Variants in TSPEAR observed in about 807,000 individuals in gnomAD.
The protein encoded by TSPEAR is thrombospondin-type laminin G domain and EAR repeat-containing protein.
Under a neutral mutation model 71.6 loss-of-function variants are expected in TSPEAR, and 69 were observed. That is an observed-to-expected ratio of 0.96 (90% CI 0.79 to 1.18). The LOEUF (loss-of-function observed/expected upper bound fraction) is 1.18. Ranked by LOEUF, TSPEAR falls within the 50% of genes most tolerant of loss-of-function variation. The probability of loss-of-function intolerance (pLI) is 0.00; values close to 1 mark genes in which losing one functional copy is unlikely to be tolerated. For synonymous variants in TSPEAR, 402 were observed against 387.2 expected (o/e 1.04, Z -0.45); for missense variants, 971 against 894.9 (o/e 1.09, Z -1.09).
intron 11 of TSPEAR, among the ~76,000 whole-genome samples, chr21:44,503,126 G>GT (rs1358357236): frequency 1.4e-5 from 2 of 146,456 alleles, no homozygotes; most frequent in Admixed American, 6.8e-5. Flanking sequence ...TGAGTCCTCG[G>GT]GGGGAAGCAA....
rs782068174 is a variant in TSPEAR at position 44,533,731 on chromosome 21, C to T, written c.496G>A (p.Ala166Thr). 42 of 1,611,850 alleles carry T rather than the reference C, an allele frequency of 2.6e-5. No individual in the cohort carries two copies. Among genetic ancestry groups the T allele is most frequent in the South Asian group, 4.4e-5 (4 of 91,046 alleles). Residue 166 changes from alanine (A) to threonine (T), a missense_variant, in exon 3 of 12, where the codon GCA becomes ACA. Ala to Thr is a moderately conservative substitution (Grantham distance 58, BLOSUM62 0). Transcript: ENST00000323084. ...TCCGTGGTGAGGGAGAAGACGCCTG[C>T]GGACACAGCCAGGACCAGTGTGTGC... ...RWHTLVLAVS[A>T]GVFSLTTDCG...
rs1174818593 is a variant in TSPEAR at position 44,546,760 on chromosome 21, T to A, written c.304-12837A>T. Reference sequence around the variant, plus strand: ...TGCCTCTGGCCTCCATGGTTTCTGATGAGAAATTCGCTGTTAGTCTTCTGT... The same window carrying A: ...TGCCTCTGGCCTCCATGGTTTCTGAAGAGAAATTCGCTGTTAGTCTTCTGT... On this transcript the variant is annotated intron_variant, in intron 2 of 11. Coordinates refer to ENST00000323084, the MANE Select transcript of TSPEAR (RefSeq NM_144991.3). This position sits in a 1 kb window ranked among gnomAD's most constrained non-coding sequence, Gnocchi z 4.4. Among the ~76,000 whole-genome samples, 1 of 152,252 alleles carries A rather than the reference T, an allele frequency of 6.6e-6. No homozygotes were observed. The highest frequency in any genetic ancestry group is 6.5e-5 in the Admixed American group (1 of 15,280).
chr21:44,610,112 A>G (rs953454532), intron 1 of TSPEAR, among the ~76,000 whole-genome samples: 1 of 152,214 alleles, frequency 6.6e-6, no homozygotes, highest in Non-Finnish European at 1.5e-5. Flanking sequence ...GCAGAGCATA[A>G]AAGTTTGAAA....
chr21:44,578,671 C>G (rs1555924283), intron 1 of TSPEAR, among the ~76,000 whole-genome samples: 1 of 152,158 alleles, frequency 6.6e-6, no homozygotes, highest in African/African-American at 2.4e-5. Flanking sequence ...CTGAGATGGC[C>G]TTGCAGGGAG....
intron 5 of TSPEAR, 36 bp downstream of exon 5, chr21:44,529,762 G>A (rs1170413323): frequency 3.1e-6 from 5 of 1,611,614 alleles, no homozygotes; most frequent in Non-Finnish European, 4.2e-6. Flanking sequence ...TCTCGCATCT[G>A]CCTTTGGTGT....
intron 2 of TSPEAR, among the ~76,000 whole-genome samples, chr21:44,538,342 G>A (rs997062720): frequency 4.6e-5 from 7 of 152,020 alleles, no homozygotes; most frequent in East Asian, 1.9e-4. Context: ...AGAGATGAGA[G>A]TGTCGCTGAC....
intron 1 of TSPEAR, among the ~76,000 whole-genome samples, chr21:44,599,127 C>T (rs1202208326): frequency 3.1e-5 from 1 of 32,382 alleles, no homozygotes; most frequent in Admixed American, 3.9e-4. Context: ...AAGCAGAGGC[C>T]CCCATTTTCT....
chr21:44,600,932 C>T (rs782055255), intron 1 of TSPEAR: 3 of 1,611,996 alleles, frequency 1.9e-6, no homozygotes, highest in African/African-American at 2.7e-5. Context: ...GCCTCCTCCC[C>T]CTGCCAGCAG....
At chr21:44,505,000 A>AT (rs1402830584) in intron 10 of TSPEAR, 119 bp from the exon 11 acceptor site, 25 of 704,844 alleles carry the variant, frequency 3.5e-5, no homozygotes, top group African/African-American at 3.2e-4. Flanking sequence ...GTGGGGAGTG[A>AT]TTTTCTCACA....
chr21:44,650,065 T>C (rs1453287088), intron 1 of TSPEAR, among the ~76,000 whole-genome samples: 2 of 151,760 alleles, frequency 1.3e-5, no homozygotes, highest in Non-Finnish European at 2.9e-5. Context: ...CCACAGAAAA[T>C]ACAATACAAT....
At chr21:44,640,037 C>G (rs587633355) in intron 1 of TSPEAR, among the ~76,000 whole-genome samples, 1 of 152,216 alleles carries the variant, frequency 6.6e-6, no homozygotes, top group Non-Finnish European at 1.5e-5. Context: ...CAGTTCTAGG[C>G]ATCTACCCCG....
chr21:44,505,387 T>G lies in TSPEAR; in HGVS notation c.1755-506A>C, dbSNP rs587759394. Among the ~76,000 whole-genome samples the G allele has an allele frequency of 1.4e-4, 22 of 152,142 alleles. No homozygotes were observed. In the East Asian group the frequency reaches 3.9e-3, roughly 27 times the overall value. ...AGCCACCATGCCTGGCCTCAAATTT[T>G]AAATTATGGTAAAATACATATAACA... is the stretch of plus-strand genomic sequence containing the variant. On this transcript the variant is annotated intron_variant, in intron 10 of 11. Transcript: ENST00000323084.
At chr21:44,575,151 C>A in intron 1 of TSPEAR, 1 of 933,480 alleles carries the variant, frequency 1.1e-6, no homozygotes, top group Non-Finnish European at 1.6e-6. Context: ...AATGGAAGAA[C>A]TGAAAGTCTA....
chr21:44,557,992 G>C (rs2053561502), intron 2 of TSPEAR: 5 of 1,560,126 alleles, frequency 3.2e-6, no homozygotes, highest in Non-Finnish European at 3.5e-6. Flanking sequence ...AGGGCTGCAA[G>C]GATTTTCGGA....
At chr21:44,632,838 C>T (rs1555935958) in intron 1 of TSPEAR, among the ~76,000 whole-genome samples, 1 of 152,060 alleles carries the variant, frequency 6.6e-6, no homozygotes, top group African/African-American at 2.4e-5. Context: ...TGCAAGACTC[C>T]ATCTCAAAAA....
intron 9 of TSPEAR, chr21:44,517,741 C>A: frequency 2.1e-6 from 1 of 470,992 alleles, no homozygotes; most frequent in Middle Eastern, 3.3e-4. Context: ...CTGTGGACAT[C>A]ACTCGCCTTC....
chr21:44,697,892 T>C, intron 1 of TSPEAR: 1 of 1,603,136 alleles, frequency 6.2e-7, no homozygotes, highest in Non-Finnish European at 8.5e-7. Context: ...CCTGGCCTCC[T>C]GCGGGTCCCT....
chr21:44,696,241 G>A (rs976150359), intron 1 of TSPEAR, among the ~76,000 whole-genome samples: 3 of 152,054 alleles, frequency 2.0e-5, no homozygotes, highest in Admixed American at 1.3e-4. Context: ...ATCCCACACC[G>A]CCATGTCTAA....
At chr21:44,508,950 G>GA (rs782754642) in intron 10 of TSPEAR, 1 of 1,538,242 alleles carries the variant, frequency 6.5e-7, no homozygotes, top group East Asian at 2.5e-5. Flanking sequence ...TGAAGGGGCA[G>GA]AACTCCGCAC....
Sources: allele counts gnomAD v4.1 joint callset (sites outside exome capture counted in the v4.1 genomes callset), GRCh38; gene constraint gnomAD v4.1.1; non-coding constraint Gnocchi (gnomAD v3.1); transcripts MANE v1.5; gene names NCBI Gene and HGNC (gene_info 2026-07-23, HGNC 2026-07-21).